Variants in FAT3 observed in about 807,000 individuals in gnomAD.
FAT3 encodes the protein protocadherin Fat 3.
In FAT3, 95 loss-of-function variants were observed where a neutral mutation model predicts 310.2. The observed-to-expected ratio is 0.31, with a 90% CI of 0.26 to 0.36. The LOEUF (loss-of-function observed/expected upper bound fraction) is 0.36, where lower values mean the gene tolerates loss of function less well. FAT3 is among the 10% of genes least tolerant of loss of function. The pLI, the probability that FAT3 is intolerant of heterozygous loss-of-function variation, is 1.00. For synonymous variants in FAT3, 2,314 were observed against 2,192.9 expected (o/e 1.06, Z -1.54); for missense variants, 5,408 against 5,715.6 (o/e 0.95, Z 1.74).
chr11:92,691,756 C>A (rs1312229408), intron 3 of FAT3, among the ~76,000 whole-genome samples: 1 of 152,110 alleles, frequency 6.6e-6, no homozygotes, highest in African/African-American at 2.4e-5. Flanking sequence ...TAACTGTTTC[C>A]TCCTACAAAT....
chr11:92,605,743 T>TA (rs1940258249), intron 3 of FAT3, among the ~76,000 whole-genome samples: 1 of 149,688 alleles, frequency 6.7e-6, no homozygotes, highest in Non-Finnish European at 1.5e-5. Context: ...TTTTTTTTTT[T>TA]ACAAATGAGA....
chr11:92,288,829 T>C (rs915427086), intron 1 of FAT3, among the ~76,000 whole-genome samples: 9 of 152,106 alleles, frequency 5.9e-5, no homozygotes, highest in Non-Finnish European at 1.3e-4. Context: ...AATGAAACAT[T>C]TGCATTTTTT....
At chr11:92,794,606 G>C (rs1277931681) in intron 9 of FAT3, among the ~76,000 whole-genome samples, 1 of 152,110 alleles carries the variant, frequency 6.6e-6, no homozygotes, top group Non-Finnish European at 1.5e-5. Flanking sequence ...CTTATCTTTT[G>C]ACCTCTACAG....
intron 2 of FAT3, among the ~76,000 whole-genome samples, chr11:92,465,159 G>T (rs1951729595): frequency 6.6e-6 from 1 of 152,134 alleles, no homozygotes; most frequent in African/African-American, 2.4e-5. Context: ...CAGTATTACT[G>T]TGGACAGGAG....
intron 3 of FAT3, among the ~76,000 whole-genome samples, chr11:92,599,102 G>A (rs952863333): frequency 1.4e-4 from 21 of 152,276 alleles, no homozygotes; most frequent in Admixed American, 5.2e-4. Context: ...TCTAATGAGT[G>A]TTACTATTCA....
intron 2 of FAT3, among the ~76,000 whole-genome samples, chr11:92,364,003 G>A (rs1476662185): frequency 6.6e-6 from 1 of 151,874 alleles, no homozygotes; most frequent in Non-Finnish European, 1.5e-5. Flanking sequence ...TGGGCTGAGG[G>A]CAATTTAGGT....
At chr11:92,709,512 T>G (rs1305051459) in intron 4 of FAT3, among the ~76,000 whole-genome samples, 1 of 152,170 alleles carries the variant, frequency 6.6e-6, no homozygotes, top group East Asian at 1.9e-4. Flanking sequence ...GGCCCTACCT[T>G]TAGTGAAGGT....
intron 2 of FAT3, among the ~76,000 whole-genome samples, chr11:92,402,484 C>A (rs1950038627): frequency 6.6e-6 from 1 of 152,062 alleles, no homozygotes; most frequent in Admixed American, 6.6e-5. Context: ...GATCCCAACA[C>A]TTTGGGAGGC....
chr11:92,677,877 A>G (rs1173529941), intron 3 of FAT3, among the ~76,000 whole-genome samples: 1 of 152,230 alleles, frequency 6.6e-6, no homozygotes, highest in Non-Finnish European at 1.5e-5. Context: ...AGTGGGCTCC[A>G]GCAAGTGGCT....
At chr11:92,705,846 A>T (rs1451834976) in intron 4 of FAT3, among the ~76,000 whole-genome samples, 1 of 24,658 alleles carries the variant, frequency 4.1e-5, no homozygotes, top group Admixed American at 4.9e-4. Flanking sequence ...TGGTGGTGTG[A>T]TGGTGGTAGT....
intron 3 of FAT3, among the ~76,000 whole-genome samples, chr11:92,586,100 T>G (rs996983570): frequency 1.3e-5 from 2 of 151,984 alleles, no homozygotes; most frequent in Non-Finnish European, 2.9e-5. Flanking sequence ...GAAGGATGTT[T>G]CAGATAGAAA....
chr11:92,673,204 C>T (rs1037634008), intron 3 of FAT3, among the ~76,000 whole-genome samples: 1 of 152,136 alleles, frequency 6.6e-6, no homozygotes, highest in African/African-American at 2.4e-5. Flanking sequence ...GTTATTTCCT[C>T]AATTTTATAA....
intron 2 of FAT3, among the ~76,000 whole-genome samples, chr11:92,412,746 A>ACATATATATATATATATAT (rs1591252852): frequency 5.5e-5 from 1 of 18,070 alleles, no homozygotes. Flanking sequence ...TATATATATA[A>ACATATATATATATATATAT]ATATACATAC....
intron 1 of FAT3, among the ~76,000 whole-genome samples, chr11:92,274,015 T>C (rs1157484447): frequency 6.6e-6 from 1 of 152,172 alleles, no homozygotes; most frequent in African/African-American, 2.4e-5. Flanking sequence ...AAATGTCTGC[T>C]GTTACCAAAA....
At chr11:92,854,612 T>C (rs1398696466) in intron 19 of FAT3, among the ~76,000 whole-genome samples, 1 of 152,276 alleles carries the variant, frequency 6.6e-6, no homozygotes, top group East Asian at 1.9e-4. Context: ...AGATTTGTTC[T>C]GAAATACAGA....
chr11:92,637,354 G>A (rs978811124), intron 3 of FAT3, among the ~76,000 whole-genome samples: 3 of 152,104 alleles, frequency 2.0e-5, no homozygotes, highest in Non-Finnish European at 2.9e-5. Context: ...AGAGAGGATG[G>A]CTCAAAAGAG....
chr11:92,512,978 C>T (rs1953356065), intron 2 of FAT3, among the ~76,000 whole-genome samples: 1 of 99,910 alleles, frequency 1.0e-5, no homozygotes, highest in Non-Finnish European at 1.9e-5. Flanking sequence ...AAAAATTAGC[C>T]GGGCGTGGTA....
chr11:92,762,886 G>A (rs776882386), intron 5 of FAT3, among the ~76,000 whole-genome samples: 2 of 152,034 alleles, frequency 1.3e-5, no homozygotes, highest in Admixed American at 6.6e-5. Flanking sequence ...ACAAAGTCAC[G>A]GTGGTTCATG....
chr11:92,254,961 C>T (rs923919005), intron 1 of FAT3, among the ~76,000 whole-genome samples: 1 of 152,166 alleles, frequency 6.6e-6, no homozygotes, highest in Non-Finnish European at 1.5e-5. Context: ...CTTACTCGGC[C>T]TCCCAAAGTG....
Sources: gnomAD v4.1 joint callset for allele counts (sites outside exome capture counted in the v4.1 genomes callset) on GRCh38, gnomAD v4.1.1 for gene constraint, MANE v1.5 for transcripts, NCBI Gene and HGNC (gene_info 2026-07-23, HGNC 2026-07-21) for gene names.